The following ASTN2 variants were observed in gnomAD, a reference collection of about 807,000 sequenced individuals.
The protein encoded by ASTN2 is astrotactin 2, also known as astrotactin-2.
A neutral mutation model predicts 139.8 loss-of-function variants in ASTN2; 54 were observed. The observed-to-expected ratio is 0.39, with a 90% CI of 0.31 to 0.48. The LOEUF (loss-of-function observed/expected upper bound fraction) is 0.48, where lower values mean the gene tolerates loss of function less well. Among genes scored for constraint, ASTN2 ranks in the 20% least tolerant of loss-of-function variants. The pLI is 0.95. For synonymous variants in ASTN2, 756 were observed against 719.5 expected (o/e 1.05, Z -0.81); for missense variants, 1,565 against 1,725.1 (o/e 0.91, Z 1.64).
intron 13 of ASTN2, among the ~76,000 whole-genome samples, chr9:116,802,132 A>C (rs1588304817): frequency 7.6e-6 from 1 of 131,230 alleles, no homozygotes; most frequent in African/African-American, 3.0e-5. Context: ...TCTGTCTCCC[A>C]GGCTGGAGTG....
rs183625451 is a variant in ASTN2, at chr9:116,624,622, T to G, written c.3073-4179A>C. On this transcript the variant is annotated intron_variant, in intron 17 of 22. Transcript: ENST00000313400. Reference sequence around the variant, plus strand: ...TCTACACAGAATGTCACTAAGCCCATGAATTAAATTCCACACTCTATACTT... The same window carrying G: ...TCTACACAGAATGTCACTAAGCCCAGGAATTAAATTCCACACTCTATACTT... 1.3e-3 allele frequency among the ~76,000 whole-genome samples: 199 copies of G among 152,322 alleles called. 1 individual carries two copies. Among genetic ancestry groups the G allele is most frequent in the Non-Finnish European group, 2.4e-3 (166 of 68,034 alleles).
chr9:117,139,882 T>A (rs1830033200), intron 4 of ASTN2, among the ~76,000 whole-genome samples: 2 of 152,148 alleles, frequency 1.3e-5, no homozygotes, highest in Admixed American at 6.5e-5. Context: ...ACAGGTAGAA[T>A]TTCATTAGTG....
intron 3 of ASTN2, among the ~76,000 whole-genome samples, chr9:117,163,673 A>G (rs2132907549): frequency 6.6e-6 from 1 of 152,116 alleles, no homozygotes; most frequent in East Asian, 1.9e-4. Context: ...CTCAGGAACC[A>G]TTCTCCCTAC....
intron 1 of ASTN2, among the ~76,000 whole-genome samples, chr9:117,366,124 GCA>G (rs1829837963): frequency 2.0e-5 from 3 of 152,042 alleles, no homozygotes; most frequent in Admixed American, 6.6e-5. Context: ...CATACTGGAG[GCA>G]CTCACTGTGT....
intron 19 of ASTN2, among the ~76,000 whole-genome samples, chr9:116,516,716 G>A (rs907175507): frequency 2.6e-5 from 4 of 152,202 alleles, no homozygotes; most frequent in African/African-American, 7.2e-5. Flanking sequence ...GTGATCTGGG[G>A]CAAGTTTTCA....
chr9:117,090,952 GGT>G (rs1416111379), intron 5 of ASTN2, among the ~76,000 whole-genome samples: 1 of 152,218 alleles, frequency 6.6e-6, no homozygotes, highest in East Asian at 1.9e-4. Flanking sequence ...CTTCTGGCCT[GGT>G]TACATCGTTC....
At chr9:117,204,264 G>A (rs551425124) in intron 3 of ASTN2, among the ~76,000 whole-genome samples, 11 of 152,072 alleles carry the variant, frequency 7.2e-5, no homozygotes, top group South Asian at 2.1e-4. Flanking sequence ...TTTCCATTTC[G>A]GCCAGGCTGG....
At chr9:116,817,406 G>T (rs1243639697) in intron 12 of ASTN2, among the ~76,000 whole-genome samples, 1 of 152,116 alleles carries the variant, frequency 6.6e-6, no homozygotes, top group Non-Finnish European at 1.5e-5. Flanking sequence ...CTGAAAAAGT[G>T]ATGCCTGAAT....
chr9:116,494,850 T>G (rs1849621966), intron 19 of ASTN2, among the ~76,000 whole-genome samples: 1 of 152,180 alleles, frequency 6.6e-6, no homozygotes, highest in Non-Finnish European at 1.5e-5. Context: ...TACTGCACAT[T>G]TCCCTCCAGA....
intron 4 of ASTN2, among the ~76,000 whole-genome samples, chr9:117,134,152 C>A (rs1481139233): frequency 6.6e-6 from 1 of 150,494 alleles, no homozygotes; most frequent in Non-Finnish European, 1.5e-5. Context: ...CCTGGGACTA[C>A]CTGTTCAATA....
intron 1 of ASTN2, among the ~76,000 whole-genome samples, chr9:117,355,137 G>C (rs562468587): frequency 6.6e-6 from 1 of 152,148 alleles, no homozygotes; most frequent in East Asian, 1.9e-4. Flanking sequence ...TTTGTGAAAT[G>C]ACTGTATTTC....
intron 19 of ASTN2, among the ~76,000 whole-genome samples, chr9:116,494,445 T>C (rs1160333353): frequency 6.6e-6 from 1 of 152,178 alleles, no homozygotes; most frequent in Non-Finnish European, 1.5e-5. Context: ...TTTTTAGTTA[T>C]CACGCTCAGT....
intron 19 of ASTN2, among the ~76,000 whole-genome samples, chr9:116,523,844 C>A (rs1318836792): frequency 6.6e-6 from 1 of 152,124 alleles, no homozygotes; most frequent in African/African-American, 2.4e-5. Context: ...TACTTTGGTA[C>A]TTTAAAAGCC....
At chr9:116,447,853 C>G (rs1848048475) in intron 20 of ASTN2, among the ~76,000 whole-genome samples, 2 of 152,176 alleles carry the variant, frequency 1.3e-5, no homozygotes, top group African/African-American at 2.4e-5. Context: ...GACTTCACCC[C>G]CAACTGGAGT....
chr9:117,273,701 A>G (rs963118041), intron 2 of ASTN2, among the ~76,000 whole-genome samples: 4 of 152,170 alleles, frequency 2.6e-5, no homozygotes. Flanking sequence ...ATACCCTTTC[A>G]CATGGTGTTA....
chr9:117,103,891 A>G (rs542695249), intron 4 of ASTN2, among the ~76,000 whole-genome samples: 2 of 152,304 alleles, frequency 1.3e-5, no homozygotes, highest in East Asian at 3.9e-4. Context: ...AATTGCTCTG[A>G]GCTCTAGAGC....
intron 7 of ASTN2, among the ~76,000 whole-genome samples, chr9:116,979,827 C>T (rs1836458360): frequency 6.6e-6 from 1 of 152,058 alleles, no homozygotes; most frequent in Admixed American, 6.5e-5. Context: ...AGTGACTCTG[C>T]AGGAAATACC....
chr9:117,038,597 T>C (rs1838462417), intron 6 of ASTN2, among the ~76,000 whole-genome samples: 1 of 152,200 alleles, frequency 6.6e-6, no homozygotes, highest in Non-Finnish European at 1.5e-5. Context: ...TCGAGACATA[T>C]ATATTTTAAA....
rs142883660 is a variant in ASTN2 at position 117,108,052 on chromosome 9, T to C, written c.1169-11901A>G. Among the ~76,000 whole-genome samples the C allele has an allele frequency of 3.9e-4, 59 of 152,306 alleles. No homozygotes were observed. In the East Asian group the frequency reaches 8.7e-3, roughly 22 times the overall value. ...ATGTCAAGCAACAGGACTAAACATT[T>C]ATGTATGGTACAATCATTGAGTACA... On this transcript the variant is annotated intron_variant, in intron 4 of 22. Transcript: ENST00000313400.
Sources: allele counts gnomAD v4.1 joint callset (sites outside exome capture counted in the v4.1 genomes callset), GRCh38; gene constraint gnomAD v4.1.1; transcripts MANE v1.5; gene names NCBI Gene and HGNC (gene_info 2026-07-23, HGNC 2026-07-21).